MEPE: variants seen among roughly 807,000 people sequenced by gnomAD.
The protein encoded by MEPE is matrix extracellular phosphoglycoprotein.
A neutral mutation model predicts 7.3 loss-of-function variants in MEPE; 7 were observed. The observed-to-expected ratio is 0.95, with a 90% CI of 0.54 to 1.79. The LOEUF (loss-of-function observed/expected upper bound fraction) is 1.79, where lower values mean the gene tolerates loss of function less well. MEPE is among the 40% of genes most tolerant of loss of function. The pLI, the probability that MEPE is intolerant of heterozygous loss-of-function variation, is 0.00. For missense variants in MEPE, 623 were observed against 628.2 expected, an observed-to-expected ratio of 0.99 and a Z score of 0.09; for synonymous variants, 214 against 213.1, an observed-to-expected ratio of 1.00 and a Z score of -0.04.
intron 1 of MEPE, among the ~76,000 whole-genome samples, chr4:87,823,895 A>C (rs532033793): frequency 2.6e-4 from 40 of 152,342 alleles, no homozygotes; most frequent in African/African-American, 8.9e-4. Context: ...CAGTGTAGCA[A>C]ATATTTTCTG....
chr4:87,828,131 C>A (rs982759136), upstream of MEPE, among the ~76,000 whole-genome samples: 5 of 152,144 alleles, frequency 3.3e-5, no homozygotes, highest in Non-Finnish European at 7.4e-5. Context: ...GAAGTAAATA[C>A]TTCTATGAAA....
In MEPE at chr4:87,846,405, T is replaced by C; in HGVS notation, c.1537T>C (p.Ser513Pro). 2 of 1,613,520 alleles carry C rather than the reference T, an allele frequency of 1.2e-6. No homozygotes were observed. The highest frequency in any genetic ancestry group is 1.7e-4 in the Middle Eastern group (1 of 6,056). ...CCGTAGAAGGGATGACAGTAGTGAG[T>C]CATCTGACAGTGGCAGTTCAAGTGA... The part of the protein sequence containing the change: ...SSRRRDDSSE[S>P]SDSGSSSESD... Residue 513 changes from serine to proline, a missense_variant, in exon 4 of 4, where the codon TCA (serine) becomes CCA (proline). By Grantham distance (74) the Ser-to-Pro change is moderately conservative (BLOSUM62 -1). Coordinates refer to ENST00000361056, the MANE Select transcript of MEPE (RefSeq NM_020203.6).
chr4:87,835,462 CTAACT>C (rs1722751193), intron 2 of MEPE, among the ~76,000 whole-genome samples: 1 of 152,130 alleles, frequency 6.6e-6, no homozygotes, highest in Non-Finnish European at 1.5e-5. Flanking sequence ...GAGCAGCATC[CTAACT>C]TATCAGAATA....
chr4:87,835,304 C>T (rs1296025135), intron 2 of MEPE, among the ~76,000 whole-genome samples: 1 of 152,154 alleles, frequency 6.6e-6, no homozygotes, highest in Non-Finnish European at 1.5e-5. Flanking sequence ...CAAGCTTAAC[C>T]CAAATCAAGC....
chr4:87,840,417 T>A (rs1722971264), intron 3 of MEPE, among the ~76,000 whole-genome samples: 1 of 152,212 alleles, frequency 6.6e-6, no homozygotes. Flanking sequence ...TTATTTCCCA[T>A]GGAAGTAATA....
intron 1 of MEPE, among the ~76,000 whole-genome samples, chr4:87,826,480 C>T (rs559712153): frequency 1.3e-5 from 2 of 151,608 alleles, no homozygotes; most frequent in East Asian, 3.9e-4. Context: ...ACCTCGTGAT[C>T]TGCTACATTC....
intron 3 of MEPE, 24 bp from the exon 4 acceptor site, chr4:87,844,948 ATCACT>A: frequency 6.9e-7 from 1 of 1,449,796 alleles, no homozygotes; most frequent in Non-Finnish European, 9.2e-7. Flanking sequence ...ACATAAAATA[ATCACT>A]TCATATTGAA....
upstream of MEPE, among the ~76,000 whole-genome samples, chr4:87,831,724 A>G (rs1722604172): frequency 6.6e-6 from 1 of 152,084 alleles, no homozygotes. Context: ...TCTGCCATCT[A>G]ATACCCTTCT....
Position 87,840,868 on chromosome 4 carries a change from AC to A in MEPE, c.108+2185del, listed in dbSNP as rs542824124. Reference sequence around the variant, plus strand: ...GTTCTCCATGAAAAAACTCATAGGAACCAAAGCATGGAGACAGAAAAGCAGA... The same window carrying A: ...GTTCTCCATGAAAAAACTCATAGGAACAAAGCATGGAGACAGAAAAGCAGA... On this transcript the variant is annotated intron_variant, in intron 3 of 3. Coordinates refer to ENST00000361056, the MANE Select transcript of MEPE (RefSeq NM_020203.6). Among the ~76,000 whole-genome samples the A allele has an allele frequency of 2.2e-4, 34 of 152,320 alleles. No homozygotes were observed. In the South Asian group the frequency reaches 6.6e-3, roughly 30 times the overall value.
In MEPE at chr4:87,846,434, C is replaced by T. The variant is rs771776733; in HGVS notation, c.1566C>T (p.Ser522=). The change falls in exon 4 of 4, where the codon AGC becomes AGT. Residue 522 remains serine (S), a synonymous_variant. Transcript: ENST00000361056. ...ESSDSGSSSE[S]DGD is the part of the protein sequence containing the mutation. ...CTGACAGTGGCAGTTCAAGTGAGAG[C>T]GATGGTGACTAGTCCACCAGGAGTT... 2.8e-5 allele frequency: 45 copies of T among 1,612,194 alleles called. No individual in the cohort carries two copies. Among genetic ancestry groups the T allele is most frequent in the East Asian group, 4.5e-5 (2 of 44,848 alleles).
chr4:87,827,924 CTAAAAA>C (rs1253487136), upstream of MEPE, among the ~76,000 whole-genome samples: 1 of 152,036 alleles, frequency 6.6e-6, no homozygotes, highest in African/African-American at 2.4e-5. Flanking sequence ...AAAATAATAA[CTAAAAA>C]TAAAATTAAT....
intron 3 of MEPE, among the ~76,000 whole-genome samples, chr4:87,839,476 A>G (rs1722926425): frequency 1.3e-5 from 2 of 151,742 alleles, no homozygotes; most frequent in South Asian, 4.1e-4. Flanking sequence ...AAACAGATTT[A>G]GAGTTATGTA....
chr4:87,844,397 A>G (rs1394781904), intron 3 of MEPE, among the ~76,000 whole-genome samples: 2 of 152,128 alleles, frequency 1.3e-5, no homozygotes, highest in Non-Finnish European at 2.9e-5. Flanking sequence ...AGATATAAAT[A>G]CTTTACTCTC....
In MEPE at chr4:87,840,167, G is replaced by A. The variant is rs373685284; in HGVS notation, c.108+1482G>A. On this transcript the variant is annotated intron_variant, in intron 3 of 3. Transcript: ENST00000361056. ...GATGGTGGGGATCTCAGCAGGGGAC[G>A]GCTAAGAGGAAAAACCATTTTGGCC... is the stretch of plus-strand genomic sequence containing the variant. The A allele has an allele frequency of 3.0e-5, 38 of 1,280,588 alleles. 1 individual carries two copies. The highest frequency in any genetic ancestry group is 3.1e-5 in the South Asian group (2 of 63,992). 79.3% of individuals were successfully genotyped at this position (1,280,588 alleles called of 1,614,324 possible).
intron 2 of MEPE, among the ~76,000 whole-genome samples, chr4:87,836,396 G>C (rs969460515): frequency 1.8e-4 from 27 of 150,846 alleles, no homozygotes; most frequent in African/African-American, 6.6e-4. Flanking sequence ...ATATTGTCAA[G>C]TATGTTTCTA....
chr4:87,841,589 T>TG (rs534341333), intron 3 of MEPE, among the ~76,000 whole-genome samples: 141 of 152,210 alleles, frequency 9.3e-4, no homozygotes, highest in South Asian at 6.8e-3. Flanking sequence ...ATTTTTATTT[T>TG]AGATTCAAAT....
upstream of MEPE, among the ~76,000 whole-genome samples, chr4:87,829,194 C>G (rs909027378): frequency 1.3e-5 from 2 of 152,078 alleles, no homozygotes; most frequent in African/African-American, 4.8e-5. Context: ...CTGCAACCTT[C>G]TAGCCAGAAT....
Position 87,846,644 on chromosome 4 carries a change from T to A in MEPE, c.*198T>A. The A allele has an allele frequency of 1.9e-6, 1 of 520,794 alleles. No homozygotes were observed. Among genetic ancestry groups the A allele is most frequent in the Non-Finnish European group, 3.3e-6 (1 of 304,300 alleles). 32.3% of individuals were successfully genotyped at this position (520,794 alleles called of 1,614,324 possible). A position where few individuals can be genotyped will look rare whatever the true frequency, so the allele number is the denominator to read the frequency against. ...TATAAAATTCTATTAAAGGCTATAA[T>A]GTTTTTAAGCAAAAAAAAATCATTA... On this transcript the variant is annotated 3_prime_UTR_variant, in exon 4 of 4. Transcript: ENST00000361056.
intron 2 of MEPE, among the ~76,000 whole-genome samples, chr4:87,835,046 C>A (rs569682511): frequency 6.6e-6 from 1 of 152,318 alleles, no homozygotes; most frequent in South Asian, 2.1e-4. Flanking sequence ...CATTTCAAAT[C>A]AGCTGATACT....
Sources: allele counts gnomAD v4.1 joint callset (sites outside exome capture counted in the v4.1 genomes callset), GRCh38; gene constraint gnomAD v4.1.1; transcripts MANE v1.5; gene names NCBI Gene and HGNC (gene_info 2026-07-23, HGNC 2026-07-21).